The following AFAP1L1 variants were observed in gnomAD, a reference collection of about 807,000 sequenced individuals.
AFAP1L1 encodes actin filament associated protein 1 like 1, also known as actin filament-associated protein 1-like 1.
A neutral mutation model predicts 99.8 loss-of-function variants in AFAP1L1; 77 were observed. The ratio of observed to expected loss-of-function variants is 0.77; its 90% CI spans 0.64 to 0.93. AFAP1L1 has a LOEUF of 0.93. AFAP1L1 is among the 40% of genes least tolerant of loss of function. The probability of loss-of-function intolerance (pLI) is 0.00; values close to 1 mark genes in which losing one functional copy is unlikely to be tolerated. For missense variants in AFAP1L1, 893 were observed against 996.8 expected (o/e 0.90, Z 1.40); for synonymous variants, 373 against 395.3 (o/e 0.94, Z 0.67).
At chr5:149,305,872 AACACACCAC>A (rs1756389324) in intron 5 of AFAP1L1, among the ~76,000 whole-genome samples, 1 of 119,632 alleles carries the variant, frequency 8.4e-6, no homozygotes, top group African/African-American at 3.3e-5. Flanking sequence ...AGCTGCGACC[AACACACCAC>A]ACACACACAC....
rs190572865 is a variant in AFAP1L1, at chr5:149,328,678, G to A, written c.1811-988G>A. Reference sequence around the variant, plus strand: ...ACAAAAATTAGCCAGGCATGGTGGCGGGCACCTGTAGTCCCAGCTACTCTA... The same window carrying A: ...ACAAAAATTAGCCAGGCATGGTGGCAGGCACCTGTAGTCCCAGCTACTCTA... On this transcript the variant is annotated intron_variant, in intron 15 of 18. Coordinates refer to ENST00000296721, the MANE Select transcript of AFAP1L1 (RefSeq NM_152406.4). Among the ~76,000 whole-genome samples, 122 of 152,076 alleles carry A rather than the reference G, an allele frequency of 8.0e-4. No homozygotes were observed. The East Asian group carries it at 0.021, about 27-fold the overall frequency.
intron 1 of AFAP1L1, among the ~76,000 whole-genome samples, chr5:149,278,347 C>T (rs1438693): frequency 5.3e-5 from 8 of 151,962 alleles, no homozygotes; most frequent in South Asian, 2.1e-4. Flanking sequence ...CCCTCTCTGA[C>T]GGGTCACAAA....
At position 149,306,332 on chromosome 5, in the gene AFAP1L1, G is replaced by A; in HGVS notation, c.463G>A (p.Val155Met). The A allele has an allele frequency of 1.2e-6, 2 of 1,613,534 alleles. No individual in the cohort carries two copies. Among genetic ancestry groups the A allele is most frequent in the Non-Finnish European group, 1.7e-6 (2 of 1,179,798 alleles). The change falls in exon 6 of 19, where the codon GTG becomes ATG. Residue 155 changes from valine to methionine, a missense_variant. Physicochemically the swap from Val to Met is conservative, Grantham distance 21 (BLOSUM62 1). Transcript: ENST00000296721. ...HNGCSPSHSI[V>M]DGYYEDADSS... ...TGGCTGCAGCCCCTCACACTCGATT[G>A]TGGATGGCTACTATGAGGACGCAGA...
chr5:149,294,470 T>G (rs1755959133), intron 1 of AFAP1L1, among the ~76,000 whole-genome samples: 1 of 152,198 alleles, frequency 6.6e-6, no homozygotes, highest in Admixed American at 6.5e-5. Flanking sequence ...AAAGCTAGCT[T>G]CTTAGGGTGA....
chr5:149,287,258 A>T (rs1024010627), intron 1 of AFAP1L1, among the ~76,000 whole-genome samples: 5 of 152,248 alleles, frequency 3.3e-5, no homozygotes, highest in Non-Finnish European at 5.9e-5. Context: ...CTAAAAATTT[A>T]AAATAATATT....
chr5:149,273,788 C>A (rs140486158), intron 1 of AFAP1L1, among the ~76,000 whole-genome samples: 2 of 151,380 alleles, frequency 1.3e-5, no homozygotes, highest in Non-Finnish European at 2.9e-5. Flanking sequence ...CCTAGTCGCC[C>A]GCCACCTCCC....
rs1169575770 is a variant in AFAP1L1, at chr5:149,316,484, C to T, written c.1267+181C>T. Among the ~76,000 whole-genome samples, 5 of 152,296 alleles carry T rather than the reference C, an allele frequency of 3.3e-5. No homozygotes were observed. The East Asian group carries it at 7.8e-4, about 24-fold the overall frequency. ...TCTAGGCCTTCCCATCACTTTCCTT[C>T]CCAGAGGCCCTGACACTCAACGAAA... is the stretch of plus-strand genomic sequence containing the variant. On this transcript the variant is annotated intron_variant, in intron 11 of 18. Transcript: ENST00000296721.
At chr5:149,301,553 C>T (rs1443317216) in intron 4 of AFAP1L1, among the ~76,000 whole-genome samples, 1 of 152,142 alleles carries the variant, frequency 6.6e-6, no homozygotes, top group Admixed American at 6.5e-5. Context: ...CGTCACCAGC[C>T]CAACTTCCGA....
intron 1 of AFAP1L1, among the ~76,000 whole-genome samples, chr5:149,276,976 GC>G (rs1450304821): frequency 6.6e-6 from 1 of 152,196 alleles, no homozygotes; most frequent in East Asian, 1.9e-4. Context: ...CTCTATTCAA[GC>G]CTACTGACTG....
chr5:149,295,893 C>T (rs1010215896), intron 1 of AFAP1L1, among the ~76,000 whole-genome samples: 2 of 152,188 alleles, frequency 1.3e-5, no homozygotes, highest in Admixed American at 6.5e-5. Flanking sequence ...TTTCCAGGCA[C>T]AACCTGTGGT....
chr5:149,318,596 T>C (rs1561679469), intron 12 of AFAP1L1, among the ~76,000 whole-genome samples: 1 of 152,222 alleles, frequency 6.6e-6, no homozygotes, highest in East Asian at 1.9e-4. Context: ...TCTAGAAATA[T>C]TTGTTGAACA....
chr5:149,332,898 G>A, intron 17 of AFAP1L1, 25 bp downstream of exon 17: 1 of 1,535,180 alleles, frequency 6.5e-7, no homozygotes, highest in Non-Finnish European at 8.7e-7. Context: ...TTCCATGCCA[G>A]GGGCAGCTAC....
chr5:149,338,110 C>T (rs1477882622), intron 18 of AFAP1L1, among the ~76,000 whole-genome samples: 1 of 152,218 alleles, frequency 6.6e-6, no homozygotes, highest in Non-Finnish European at 1.5e-5. Flanking sequence ...TTCATATCAA[C>T]ACTGCTGTGG....
At position 149,320,115 on chromosome 5, in the gene AFAP1L1, A is replaced by G. The variant is rs191461218; in HGVS notation, c.1626-276A>G. On this transcript the variant is annotated intron_variant, in intron 13 of 18. Coordinates refer to ENST00000296721, the MANE Select transcript of AFAP1L1 (RefSeq NM_152406.4). The surrounding 1 kb of genome is among the most constrained non-coding windows in gnomAD (Gnocchi z 4.0). ...GTCACCACCAGCAGTGGAAGCTTGC[A>G]CTGGTTGCTTGCCATCTCGGATCTC... is the stretch of plus-strand genomic sequence containing the variant. 5.2e-3 allele frequency among the ~76,000 whole-genome samples: 795 copies of G among 152,324 alleles called. 7 individuals carry two copies. The highest frequency in any genetic ancestry group is 6.7e-3 in the Non-Finnish European group (454 of 68,028).
At position 149,316,282 on chromosome 5, in the gene AFAP1L1, G is replaced by A. The variant is rs775693791; in HGVS notation, c.1246G>A (p.Glu416Lys). The A allele has an allele frequency of 1.5e-5, 24 of 1,613,858 alleles. No homozygotes were observed. The highest frequency in any genetic ancestry group is 4.5e-5 in the East Asian group (2 of 44,880). ...LADDLQTSST[E>K]EEVPCCGYLN... Reference sequence around the variant, plus strand: ...CGATGACCTGCAGACGTCCTCCACCGAGGAGGAGGTTCCCTGCTGTGGTGG... The same window carrying A: ...CGATGACCTGCAGACGTCCTCCACCAAGGAGGAGGTTCCCTGCTGTGGTGG... The change falls in exon 11 of 19, where the codon GAG becomes AAG. Residue 416 changes from glutamate (E) to lysine (K), a missense_variant. Transcript: ENST00000296721.
intron 18 of AFAP1L1, among the ~76,000 whole-genome samples, chr5:149,337,703 A>G (rs921325801): frequency 3.3e-5 from 5 of 152,222 alleles, no homozygotes; most frequent in African/African-American, 7.2e-5. Flanking sequence ...CAGATAATAC[A>G]TAAGTGCCCT....
intron 6 of AFAP1L1, among the ~76,000 whole-genome samples, chr5:149,306,749 G>C (rs988697306): frequency 2.0e-5 from 3 of 152,220 alleles, no homozygotes; most frequent in African/African-American, 7.2e-5. Context: ...AGATGAAGGG[G>C]TATGACAATA....
At position 149,317,884 on chromosome 5, in the gene AFAP1L1, C is replaced by T. The variant is rs1260509573; in HGVS notation, c.1423C>T (p.Arg475Ter). The change falls in exon 12 of 19, where the codon CGA (arginine) becomes TGA (stop). Residue 475 changes from arginine to a stop codon, truncating the protein, a stop_gained. Transcript: ENST00000296721. LOFTEE classifies it high-confidence loss of function. ...TGAGGTGGCCCCGGGCTTTGGGCCC[C>T]GACACCCATTTGCCTTCAGGATCCT... is the stretch of plus-strand genomic sequence containing the variant. ...GCEVAPGFGPRHPFAFRILRN... is the reference protein window; with the variant it reads ...GCEVAPGFGP 13 of 1,598,756 alleles carry T rather than the reference C, an allele frequency of 8.1e-6. No homozygotes were observed. Among genetic ancestry groups the T allele is most frequent in the Non-Finnish European group, 1.0e-5 (12 of 1,172,894 alleles).
chr5:149,308,524 C>T lies in AFAP1L1; in HGVS notation c.747+911C>T, dbSNP rs979786647. Among the ~76,000 whole-genome samples the T allele has an allele frequency of 7.9e-5, 12 of 152,204 alleles. No individual in the cohort carries two copies. The East Asian group carries it at 1.9e-3, about 25-fold the overall frequency. ...TATCATTTCATAAAAGAAAGAGCAC[C>T]TTTAATTACAAAGTAAGAGGATAAA... On this transcript the variant is annotated intron_variant, in intron 7 of 18. Transcript: ENST00000296721.
Sources: gnomAD v4.1 joint callset for allele counts (sites outside exome capture counted in the v4.1 genomes callset) on GRCh38, gnomAD v4.1.1 for gene constraint, Gnocchi (gnomAD v3.1) non-coding constraint, MANE v1.5 for transcripts, NCBI Gene and HGNC (gene_info 2026-07-23, HGNC 2026-07-21) for gene names.